Variants in UBE2J2 observed in about 807,000 individuals in gnomAD.
UBE2J2 encodes the protein ubiquitin conjugating enzyme E2 J2.
In UBE2J2, 5 loss-of-function variants were observed where a neutral mutation model predicts 28.6. That is an observed-to-expected ratio of 0.17 (90% CI 0.09 to 0.37). UBE2J2 has a LOEUF of 0.37. Ranked by LOEUF, UBE2J2 falls within the 10% of genes least tolerant of loss-of-function variation. UBE2J2 has a pLI of 1.00. For missense variants in UBE2J2, 226 were observed against 338.9 expected, an observed-to-expected ratio of 0.67 and a Z score of 2.62; for synonymous variants, 138 against 139.7, an observed-to-expected ratio of 0.99 and a Z score of 0.09.
intron 2 of UBE2J2, among the ~76,000 whole-genome samples, chr1:1,266,682 C>T (rs1639888089): frequency 6.6e-6 from 1 of 151,826 alleles, no homozygotes; most frequent in Admixed American, 6.6e-5. Context: ...AAAAAATTAG[C>T]CGGGCATGGT....
chr1:1,261,594 AC>A (rs1470351771), intron 3 of UBE2J2, among the ~76,000 whole-genome samples: 1 of 151,862 alleles, frequency 6.6e-6, no homozygotes, highest in Non-Finnish European at 1.5e-5. Context: ...CACAAAACAA[AC>A]AAAAAAAATG....
intron 2 of UBE2J2, among the ~76,000 whole-genome samples, chr1:1,266,641 G>C (rs778301483): frequency 6.6e-6 from 1 of 151,834 alleles, no homozygotes; most frequent in East Asian, 2.0e-4. Context: ...CTAACACGGT[G>C]AAACCCCGTC....
At chr1:1,269,329 G>C (rs1640034076) in intron 1 of UBE2J2, among the ~76,000 whole-genome samples, 1 of 144,858 alleles carries the variant, frequency 6.9e-6, no homozygotes, top group South Asian at 2.3e-4. Flanking sequence ...GAGAGGGGTG[G>C]TGATCATCAT....
intron 1 of UBE2J2, among the ~76,000 whole-genome samples, chr1:1,271,999 A>T (rs1056752997): frequency 2.0e-5 from 3 of 146,904 alleles, no homozygotes; most frequent in African/African-American, 7.9e-5. Context: ...AAAAAAAAAA[A>T]AAAAATTAGC....
At chr1:1,267,703 T>G in intron 2 of UBE2J2, 159 bp downstream of exon 2, 1 of 1,464,824 alleles carries the variant, frequency 6.8e-7, no homozygotes, top group Non-Finnish European at 9.0e-7. Context: ...GACCAGAGAG[T>G]GTCCACAGGC....
chr1:1,256,176 A>G (rs1639162200), intron 5 of UBE2J2, 51 bp from the exon 6 acceptor site: 1 of 1,365,070 alleles, frequency 7.3e-7, no homozygotes, highest in Admixed American at 1.7e-5. Flanking sequence ...CAATTCTTTC[A>G]AGATTCTAAA....
chr1:1,262,254 C>A (rs545412180), intron 3 of UBE2J2: 18 of 449,832 alleles, frequency 4.0e-5, no homozygotes, highest in Non-Finnish European at 7.1e-5. Context: ...CACCTGCTCC[C>A]GGGCCTTATC....
chr1:1,257,844 C>T (rs1462855899), intron 3 of UBE2J2, among the ~76,000 whole-genome samples: 1 of 151,980 alleles, frequency 6.6e-6, no homozygotes, highest in Admixed American at 6.6e-5. Context: ...CACTCTCCAC[C>T]ACACACCCCT....
chr1:1,263,467 T>C (rs916386695), intron 2 of UBE2J2, 81 bp from the exon 3 acceptor site: 9 of 1,286,642 alleles, frequency 7.0e-6, no homozygotes, highest in African/African-American at 2.9e-5. Flanking sequence ...CTGGGGTTTA[T>C]AGAACCCAGC....
rs770345427 is a variant in UBE2J2, at chr1:1,255,458, G to C, written c.525C>G (p.Asp175Glu). The C allele has an allele frequency of 1.2e-6, 2 of 1,611,654 alleles. No homozygotes were observed. Among genetic ancestry groups the C allele is most frequent in the African/African-American group, 1.3e-5 (1 of 74,880 alleles). Residue 175 changes from aspartate (D) to glutamate (E), a missense_variant, in exon 7 of 7, where the codon GAC becomes GAG. This residue lies in a region of UBE2J2 where 133 missense variants were observed against 161.5 expected (regional missense o/e 0.82). Coordinates refer to ENST00000349431, the MANE Select transcript of UBE2J2 (RefSeq NM_058167.3). ...EEIKQKQKAQDELSSRPQTLP... is the reference protein window; with the variant it reads ...EEIKQKQKAQEELSSRPQTLP... ...GAGTCTGGGGTCTGCTACTGAGTTCGTCTTGTGCTTTCTGTTTTTGTTTAA... is the reference window on the plus strand; with the variant it reads ...GAGTCTGGGGTCTGCTACTGAGTTCCTCTTGTGCTTTCTGTTTTTGTTTAA...
At chr1:1,266,596 C>T (rs934924677) in intron 2 of UBE2J2, among the ~76,000 whole-genome samples, 34 of 151,938 alleles carry the variant, frequency 2.2e-4, no homozygotes, top group African/African-American at 7.5e-4. Flanking sequence ...CCAAGGCGGG[C>T]GGATCACGAG....
At position 1,255,458 on chromosome 1, in the gene UBE2J2, G is replaced by T. The variant is rs770345427; in HGVS notation, c.525C>A (p.Asp175Glu). 6.2e-7 allele frequency: 1 copy of T among 1,611,772 alleles called. No individual in the cohort carries two copies. Among genetic ancestry groups the T allele is most frequent in the Non-Finnish European group, 8.5e-7 (1 of 1,178,358 alleles). Residue 175 changes from aspartate (D) to glutamate (E), a missense_variant, in exon 7 of 7, where the codon GAC (aspartate) becomes GAA (glutamate). By Grantham distance (45) the Asp-to-Glu change is conservative. Around this residue, in one of 3 missense-constraint regions of UBE2J2, gnomAD observed 133 missense variants for 161.5 expected, o/e 0.82. Coordinates refer to ENST00000349431, the MANE Select transcript of UBE2J2 (RefSeq NM_058167.3). ...EEIKQKQKAQ[D>E]ELSSRPQTLP... ...GAGTCTGGGGTCTGCTACTGAGTTCGTCTTGTGCTTTCTGTTTTTGTTTAA... is the reference window on the plus strand; with the variant it reads ...GAGTCTGGGGTCTGCTACTGAGTTCTTCTTGTGCTTTCTGTTTTTGTTTAA...
chr1:1,256,344 GGAA>G, intron 5 of UBE2J2: 1 of 469,132 alleles, frequency 2.1e-6, no homozygotes, highest in Non-Finnish European at 3.8e-6. Flanking sequence ...TTAAAGACAG[GGAA>G]AAACAAGCCA....
intron 5 of UBE2J2, among the ~76,000 whole-genome samples, 190 bp downstream of exon 5, chr1:1,256,802 C>T (rs1639203282): frequency 6.8e-6 from 1 of 146,840 alleles, no homozygotes; most frequent in African/African-American, 2.5e-5. Flanking sequence ...AGGAGAATGG[C>T]GTGAACCCCG....
chr1:1,262,460 T>A (rs1335506489), intron 3 of UBE2J2: 1 of 372,598 alleles, frequency 2.7e-6, no homozygotes, highest in Non-Finnish European at 5.4e-6. Flanking sequence ...AGAGCCTTTT[T>A]CATTCTTACC....
chr1:1,261,584 C>T (rs1176343822), intron 3 of UBE2J2, among the ~76,000 whole-genome samples: 1 of 151,492 alleles, frequency 6.6e-6, no homozygotes, highest in Non-Finnish European at 1.5e-5. Flanking sequence ...AAACTAAAAC[C>T]ACAAAACAAA....
chr1:1,273,110 T>C (rs1640245616), intron 1 of UBE2J2: 1 of 152,284 alleles, frequency 6.6e-6, no homozygotes, highest in South Asian at 2.1e-4. Flanking sequence ...GCTGAAAGGA[T>C]GCAGGGAACT....
rs866191858 is a variant in UBE2J2, at chr1:1,257,318, G to A, written c.173-8C>T. On this transcript the variant is annotated splice_polypyrimidine_tract_variant and splice_region_variant and intron_variant, in intron 3 of 6. Coordinates refer to ENST00000349431, the MANE Select transcript of UBE2J2 (RefSeq NM_058167.3). ...TTCCATGATAATAGCCACCTACATG[G>A]AAACAAAACAGAAAGGGCCTTGTCG... 19 of 1,585,886 alleles carry A rather than the reference G, an allele frequency of 1.2e-5. 1 individual carries two copies. In the Middle Eastern group the frequency reaches 1.0e-3, roughly 83 times the overall value.
chr1:1,268,426 C>T lies in UBE2J2; in HGVS notation c.1-434G>A, dbSNP rs942337223. On this transcript the variant is annotated intron_variant, in intron 1 of 6. Transcript: ENST00000349431. The surrounding 1 kb of genome is among the most constrained non-coding windows in gnomAD (Gnocchi z 4.7). ...CACCATAGAAGTGGGCAGGCACCAC[C>T]GCCGGCCCCTTCACCGCACCCGGAA... Among the ~76,000 whole-genome samples, 2 of 152,132 alleles carry T rather than the reference C, an allele frequency of 1.3e-5. No individual in the cohort carries two copies. The highest frequency in any genetic ancestry group is 2.9e-5 in the Non-Finnish European group (2 of 68,026).
Sources: allele counts gnomAD v4.1 joint callset (sites outside exome capture counted in the v4.1 genomes callset), GRCh38; gene constraint gnomAD v4.1.1; regional missense constraint gnomAD v4.1.1; non-coding constraint Gnocchi (gnomAD v3.1); transcripts MANE v1.5; gene names NCBI Gene and HGNC (gene_info 2026-07-23, HGNC 2026-07-21).